Variants in DYNLT2B observed in about 807,000 individuals in gnomAD.
The protein encoded by DYNLT2B is dynein light chain Tctex-type protein 2B.
A neutral mutation model predicts 19.5 loss-of-function variants in DYNLT2B; 14 were observed. The observed-to-expected ratio is 0.72, with a 90% CI of 0.47 to 1.12. The LOEUF (loss-of-function observed/expected upper bound fraction) is 1.12, where lower values mean the gene tolerates loss of function less well. DYNLT2B is among the 50% of genes most tolerant of loss of function. The pLI is 0.00. For synonymous variants in DYNLT2B, 70 were observed against 59.7 expected (o/e 1.17, Z -0.79); for missense variants, 133 against 174.7 (o/e 0.76, Z 1.35).
At position 196,307,533 on chromosome 3, in the gene DYNLT2B, C is replaced by T. The variant is rs537801237; in HGVS notation, c.248-521G>A. ...GCCCAGGCTGGTCTCGAACTCCTGACCTCAGGTGATCCACTCACCTTGGCC... is the reference window on the plus strand; with the variant it reads ...GCCCAGGCTGGTCTCGAACTCCTGATCTCAGGTGATCCACTCACCTTGGCC... On this transcript the variant is annotated intron_variant, in intron 2 of 4. Transcript: ENST00000325318. Among the ~76,000 whole-genome samples, 8 of 152,056 alleles carry T rather than the reference C, an allele frequency of 5.3e-5. No homozygotes were observed. In the South Asian group the frequency reaches 1.2e-3, roughly 24 times the overall value.
Position 196,314,527 on chromosome 3 carries a change from G to C in DYNLT2B, c.247+1571C>G, listed in dbSNP as rs147638407. 3.1e-3 allele frequency among the ~76,000 whole-genome samples: 461 copies of C among 150,734 alleles called. 5 individuals carry two copies. The highest frequency in any genetic ancestry group is 0.011 in the African/African-American group (437 of 41,056). ...ACGGTATAACATTATTAACAAAAGA[G>C]AGAGACCAGGCGCAGTGGCTCACAC... On this transcript the variant is annotated intron_variant, in intron 2 of 4. Coordinates refer to ENST00000325318, the MANE Select transcript of DYNLT2B (RefSeq NM_152773.5).
chr3:196,297,351 C>T (rs1726248146), intron 3 of DYNLT2B, among the ~76,000 whole-genome samples: 1 of 152,008 alleles, frequency 6.6e-6, no homozygotes, highest in Non-Finnish European at 1.5e-5. Context: ...ATGGTGAAAC[C>T]CCATCTCTAC....
chr3:196,304,449 A>G (rs1482358308), intron 3 of DYNLT2B, among the ~76,000 whole-genome samples: 1 of 152,012 alleles, frequency 6.6e-6, no homozygotes, highest in African/African-American at 2.4e-5. Context: ...TGTTTTTTTT[A>G]AACAAAGGTA....
intron 2 of DYNLT2B, among the ~76,000 whole-genome samples, chr3:196,309,590 T>G (rs1726579630): frequency 6.6e-6 from 1 of 151,750 alleles, no homozygotes. Context: ...CAAAAAATAT[T>G]GAAGAAAAGA....
chr3:196,305,403 A>G lies in DYNLT2B; in HGVS notation c.317+1540T>C, dbSNP rs73086667. On this transcript the variant is annotated intron_variant, in intron 3 of 4. Transcript: ENST00000325318. The stretch of plus-strand genomic sequence containing the variant: ...AAGTACAGGAAATAGAAGACATATT[A>G]AACAATACCATAGGTATATAATCAG... Among the ~76,000 whole-genome samples, 687 of 152,352 alleles carry G rather than the reference A, an allele frequency of 4.5e-3. 6 individuals are homozygous for G. The highest frequency in any genetic ancestry group is 0.016 in the African/African-American group (650 of 41,578).
chr3:196,296,168 G>T, intron 3 of DYNLT2B, 99 bp from the exon 4 acceptor site: 1 of 1,016,388 alleles, frequency 9.8e-7, no homozygotes, highest in Non-Finnish European at 1.5e-6. Context: ...CATTCTCATA[G>T]ATCTGTACTT....
rs571849555 is a variant in DYNLT2B, at chr3:196,303,910, T to C, written c.317+3033A>G. ...CGGTAGATGATGCCTGTAACCCCAG[T>C]GTTTTGGGAAGCCGAGGCAGGAGGA... On this transcript the variant is annotated intron_variant, in intron 3 of 4. Coordinates refer to ENST00000325318, the MANE Select transcript of DYNLT2B (RefSeq NM_152773.5). 3.9e-5 allele frequency among the ~76,000 whole-genome samples: 6 copies of C among 152,196 alleles called. No homozygotes were observed. The East Asian group carries it at 1.2e-3, about 29-fold the overall frequency.
chr3:196,301,512 A>G (rs1726351197), intron 3 of DYNLT2B, among the ~76,000 whole-genome samples: 1 of 152,184 alleles, frequency 6.6e-6, no homozygotes, highest in Admixed American at 6.5e-5. Flanking sequence ...CAGGAGTTCC[A>G]GATAAGCCTG....
intron 3 of DYNLT2B, 101 bp from the exon 4 acceptor site, chr3:196,296,170 T>C (rs1726218593): frequency 2.0e-6 from 2 of 1,010,184 alleles, no homozygotes; most frequent in Non-Finnish European, 1.6e-6. Flanking sequence ...TTCTCATAGA[T>C]CTGTACTTCC....
At chr3:196,317,987 C>A in intron 1 of DYNLT2B, 53 bp downstream of exon 1, 1 of 1,147,006 alleles carries the variant, frequency 8.7e-7, no homozygotes, top group South Asian at 2.0e-5. Context: ...CGAGCTCCGC[C>A]CCTCAGACCA....
intron 3 of DYNLT2B, among the ~76,000 whole-genome samples, chr3:196,296,947 A>G (rs1049845339): frequency 2.7e-5 from 4 of 145,578 alleles, no homozygotes; most frequent in African/African-American, 1.0e-4. Context: ...ACAATTCTGC[A>G]CTTTGGGAGG....
At chr3:196,317,154 AGTGTGT>A (rs199908321) in intron 1 of DYNLT2B, among the ~76,000 whole-genome samples, 586 of 34,940 alleles carry the variant, frequency 0.017, 25 homozygotes, top group African/African-American at 0.057. Flanking sequence ...ATTTTTTTTC[AGTGTGT>A]GTGTGTGTGT....
intron 2 of DYNLT2B, among the ~76,000 whole-genome samples, chr3:196,307,300 CT>C (rs971346270): frequency 3.3e-5 from 5 of 152,002 alleles, no homozygotes; most frequent in Admixed American, 2.6e-4. Flanking sequence ...ATAGTAGTAT[CT>C]TTTTTTTGTT....
intron 3 of DYNLT2B, among the ~76,000 whole-genome samples, chr3:196,297,134 A>G (rs1726243134): frequency 1.3e-5 from 2 of 151,380 alleles, no homozygotes; most frequent in African/African-American, 4.9e-5. Context: ...GACCTGAGAT[A>G]GCACCACTGC....
chr3:196,303,161 A>G (rs965044227), intron 3 of DYNLT2B, among the ~76,000 whole-genome samples: 2 of 151,660 alleles, frequency 1.3e-5, no homozygotes, highest in Admixed American at 1.3e-4. Context: ...ACTCAGCACA[A>G]GAAGACAGCT....
intron 2 of DYNLT2B, among the ~76,000 whole-genome samples, chr3:196,310,392 G>A (rs916580378): frequency 2.0e-5 from 3 of 151,546 alleles, no homozygotes; most frequent in African/African-American, 2.4e-5. Flanking sequence ...GATTACAGGC[G>A]TGAGCCACCG....
At chr3:196,315,077 AAGATTTTTTGG>A (rs1726744391) in intron 2 of DYNLT2B, among the ~76,000 whole-genome samples, 1 of 152,068 alleles carries the variant, frequency 6.6e-6, no homozygotes, top group African/African-American at 2.4e-5. Flanking sequence ...TCTGAATACT[AAGATTTTTTGG>A]ACAGTGTTTT....
intron 2 of DYNLT2B, among the ~76,000 whole-genome samples, chr3:196,310,133 G>A (rs1294649487): frequency 6.6e-6 from 1 of 151,754 alleles, no homozygotes. Flanking sequence ...ACAGAGTTTC[G>A]CTCTTCTGCC....
chr3:196,292,714 T>TGGC (rs1726120570), intron 4 of DYNLT2B, among the ~76,000 whole-genome samples: 1 of 151,976 alleles, frequency 6.6e-6, no homozygotes, highest in Admixed American at 6.6e-5. Context: ...CCACTGTGAG[T>TGGC]GGCCCTGTTC....
Sources: gnomAD v4.1 joint callset for allele counts (sites outside exome capture counted in the v4.1 genomes callset) on GRCh38, gnomAD v4.1.1 for gene constraint, MANE v1.5 for transcripts, NCBI Gene and HGNC (gene_info 2026-07-23, HGNC 2026-07-21) for gene names.